The following MYLK variants were observed in gnomAD, a reference collection of about 807,000 sequenced individuals.
The protein encoded by MYLK is myosin light chain kinase, also known as myosin light chain kinase, smooth muscle.
A neutral mutation model predicts 203.4 loss-of-function variants in MYLK; 106 were observed. That is an observed-to-expected ratio of 0.52 (90% CI 0.45 to 0.61). The LOEUF (loss-of-function observed/expected upper bound fraction) is 0.61, where lower values mean the gene tolerates loss of function less well. MYLK is among the 20% of genes least tolerant of loss of function. The pLI is 0.00. For synonymous variants in MYLK, 867 were observed against 959.5 expected (o/e 0.90, Z 1.78); for missense variants, 2,072 against 2,442.3 (o/e 0.85, Z 3.20).
intron 3 of MYLK, among the ~76,000 whole-genome samples, chr3:123,804,127 A>G (rs753673946): frequency 1.3e-5 from 2 of 152,188 alleles, no homozygotes; most frequent in African/African-American, 2.4e-5. Flanking sequence ...TCATTTGCTC[A>G]TAAGGTAAAT....
chr3:123,806,595 C>T (rs1343974552), intron 3 of MYLK, among the ~76,000 whole-genome samples: 1 of 152,180 alleles, frequency 6.6e-6, no homozygotes, highest in Non-Finnish European at 1.5e-5. Context: ...ACTTATTTAA[C>T]AACTGATGAA....
chr3:123,616,756 C>T (rs576534242), intron 33 of MYLK: 4 of 152,186 alleles, frequency 2.6e-5, no homozygotes, highest in South Asian at 2.1e-4. Context: ...AAACGTGGCA[C>T]GTCCTTCTCT....
chr3:123,842,618 T>C (rs2066621040), intron 2 of MYLK, among the ~76,000 whole-genome samples: 1 of 152,216 alleles, frequency 6.6e-6, no homozygotes, highest in African/African-American at 2.4e-5. Context: ...CAAAGAATCA[T>C]ATAGTCAATA....
intron 2 of MYLK, among the ~76,000 whole-genome samples, chr3:123,872,725 A>G (rs3863981): frequency 0.1 from 15,295 of 152,184 alleles, 1,207 homozygotes; most frequent in East Asian, 0.36. Context: ...AGGCATTGCC[A>G]GCACCTTGCC....
chr3:123,834,052 T>G (rs1560276402), intron 2 of MYLK, among the ~76,000 whole-genome samples: 1 of 150,934 alleles, frequency 6.6e-6, no homozygotes, highest in Non-Finnish European at 1.5e-5. Flanking sequence ...TTGTTTGTTT[T>G]TTGTTTCTTG....
At chr3:123,857,202 C>T (rs550600765) in intron 2 of MYLK, among the ~76,000 whole-genome samples, 30 of 152,220 alleles carry the variant, frequency 2.0e-4, no homozygotes, top group Admixed American at 1.4e-3. Context: ...GTTGGTGGGA[C>T]TGTAAACTAG....
chr3:123,804,008 A>G (rs2065285325), intron 3 of MYLK, among the ~76,000 whole-genome samples: 1 of 152,272 alleles, frequency 6.6e-6, no homozygotes, highest in African/African-American at 2.4e-5. Flanking sequence ...TTTAGCACTT[A>G]CTGTCAGGCA....
At chr3:123,822,162 A>C (rs2065959460) in intron 3 of MYLK, among the ~76,000 whole-genome samples, 1 of 152,174 alleles carries the variant, frequency 6.6e-6, no homozygotes, top group African/African-American at 2.4e-5. Context: ...AGCCTCCAGA[A>C]CTGTAAGAAA....
intron 13 of MYLK, among the ~76,000 whole-genome samples, chr3:123,717,859 T>G (rs1228290409): frequency 3.3e-4 from 17 of 52,252 alleles, no homozygotes; most frequent in Non-Finnish European, 5.5e-4. Flanking sequence ...TTTTTTTTTT[T>G]TTTTTTTTTT....
intron 2 of MYLK, among the ~76,000 whole-genome samples, chr3:123,876,079 C>T (rs2033134069): frequency 6.6e-6 from 1 of 151,936 alleles, no homozygotes. Context: ...TGGGCACATA[C>T]AAAACTGGCC....
intron 23 of MYLK, among the ~76,000 whole-genome samples, chr3:123,660,847 G>A (rs1183908000): frequency 6.6e-6 from 1 of 152,182 alleles, no homozygotes; most frequent in African/African-American, 2.4e-5. Flanking sequence ...CCTGATCAGG[G>A]AATACAGAGA....
chr3:123,631,348 A>G (rs1313913394), intron 29 of MYLK, among the ~76,000 whole-genome samples: 1 of 150,558 alleles, frequency 6.6e-6, no homozygotes, highest in Admixed American at 6.6e-5. Context: ...CAGTGAGCCA[A>G]TATCGCACCA....
chr3:123,645,878 T>G (rs2059002313), intron 27 of MYLK, among the ~76,000 whole-genome samples: 1 of 152,138 alleles, frequency 6.6e-6, no homozygotes, highest in East Asian at 1.9e-4. Flanking sequence ...GTGCGGTGGC[T>G]CACGCCTGTA....
Position 123,620,328 on chromosome 3 carries a change from G to A in MYLK, c.5247C>T (p.Gly1749=). The stretch of plus-strand genomic sequence containing the variant: ...GTCTTCCAATGGCTCTCACAGCATT[G>A]CCCGTTTTCTGGAAAATAGACACGA... ...YMARRKWQKT[G]NAVRAIGRLS... is the part of the protein sequence containing the mutation. The change falls in exon 32 of 34, where the codon GGC becomes GGT. Residue 1749 remains glycine (G), a synonymous_variant. Coordinates refer to ENST00000360304, the MANE Select transcript of MYLK (RefSeq NM_053025.4). 1 of 1,614,084 alleles carries A rather than the reference G, an allele frequency of 6.2e-7. No individual in the cohort carries two copies. The highest frequency in any genetic ancestry group is 8.5e-7 in the Non-Finnish European group (1 of 1,180,004).
intron 7 of MYLK, among the ~76,000 whole-genome samples, chr3:123,738,431 G>A (rs2062751605): frequency 6.6e-6 from 1 of 152,278 alleles, no homozygotes; most frequent in East Asian, 1.9e-4. Context: ...GCCTGAAACA[G>A]GAGGAACAGA....
chr3:123,868,130 G>A (rs138648146), intron 2 of MYLK, among the ~76,000 whole-genome samples: 26 of 152,284 alleles, frequency 1.7e-4, no homozygotes, highest in African/African-American at 5.8e-4. Flanking sequence ...GCCCTCTGAT[G>A]GGCTGAGAGG....
In MYLK at chr3:123,664,140, C is replaced by T; in HGVS notation, c.3950G>A (p.Gly1317Asp). The T allele has an allele frequency of 6.2e-7, 1 of 1,614,104 alleles. No homozygotes were observed. The change falls in exon 23 of 34, where the codon GGC becomes GAC. Residue 1317 changes from glycine (G) to aspartate (D), a missense_variant. This residue lies in a region of MYLK where 524 missense variants were observed against 782.4 expected (regional missense o/e 0.67). Transcript: ENST00000360304. ...GAGGTTGACCTGGGCCTGCCTGCTG[C>T]CCAGCTTGTTCTCCACCAGCAGTGT... ...CYTLLVENKLGSRQAQVNLTV... is the reference protein window; with the variant it reads ...CYTLLVENKLDSRQAQVNLTV...
chr3:123,708,052 C>T, intron 15 of MYLK, 49 bp from the exon 16 acceptor site: 1 of 1,610,760 alleles, frequency 6.2e-7, no homozygotes, highest in Non-Finnish European at 8.5e-7. Context: ...CCTCAGCAGG[C>T]AGTGTCCACT....
intron 1 of MYLK, among the ~76,000 whole-genome samples, chr3:123,877,227 G>A (rs1033451086): frequency 6.6e-6 from 1 of 152,150 alleles, no homozygotes; most frequent in African/African-American, 2.4e-5. Flanking sequence ...GTGTGGGGGT[G>A]GCTGCTATGA....
Sources: allele counts gnomAD v4.1 joint callset (sites outside exome capture counted in the v4.1 genomes callset), GRCh38; gene constraint gnomAD v4.1.1; regional missense constraint gnomAD v4.1.1; transcripts MANE v1.5; gene names NCBI Gene and HGNC (gene_info 2026-07-23, HGNC 2026-07-21).